Variants in CA6 observed in about 807,000 individuals in gnomAD.
CA6 encodes carbonic anhydrase 6.
A neutral mutation model predicts 35.9 loss-of-function variants in CA6; 28 were observed. That is an observed-to-expected ratio of 0.78 (90% confidence interval 0.58 to 1.07). The LOEUF (loss-of-function observed/expected upper bound fraction) is 1.07, where lower values mean the gene tolerates loss of function less well. Among genes scored for constraint, CA6 ranks in the 50% least tolerant of loss-of-function variants. The pLI is 0.00. For synonymous variants in CA6, 148 were observed against 152.6 expected (o/e 0.97, Z 0.22); for missense variants, 377 against 382.0 (o/e 0.99, Z 0.11).
chr1:8,968,674 G>A (rs1302638962), intron 6 of CA6, among the ~76,000 whole-genome samples: 1 of 152,004 alleles, frequency 6.6e-6, no homozygotes, highest in Non-Finnish European at 1.5e-5. Context: ...CCAGACTTGG[G>A]ACAAAAACTC....
chr1:8,967,593 T>G, intron 5 of CA6, 66 bp from the exon 6 acceptor site: 1 of 1,406,204 alleles, frequency 7.1e-7, no homozygotes. Context: ...GGCCTGGGCC[T>G]GAGCTGTCCT....
At chr1:8,974,536 G>A in intron 7 of CA6, 86 bp from the exon 8 acceptor site, 1 of 1,420,786 alleles carries the variant, frequency 7.0e-7, no homozygotes, top group Non-Finnish European at 9.7e-7. Context: ...ATACGATGCG[G>A]GTATGGTGTC....
At chr1:8,961,349 A>G (rs1165039173) in intron 4 of CA6, among the ~76,000 whole-genome samples, 1 of 152,332 alleles carries the variant, frequency 6.6e-6, no homozygotes, top group Middle Eastern at 3.4e-3. Context: ...AACCATCAAG[A>G]TTATTTAAAG....
Position 8,974,218 on chromosome 1 carries a change from C to T in CA6, c.845-404C>T, listed in dbSNP as rs1020240704. 348 of 573,974 alleles carry T rather than the reference C, an allele frequency of 6.1e-4. 3 individuals are homozygous for T. The highest frequency in any genetic ancestry group is 5.8e-4 in the Non-Finnish European group (194 of 334,054). The allele number at this position is 573,974 out of a possible 1,614,324, so 35.6% of individuals were successfully genotyped here. ...TGTTCTGTAGAGAACTGTATCCCAG[C>T]GGGGTTGATATGATTAACCCACCTG... On this transcript the variant is annotated intron_variant, in intron 7 of 7. Transcript: ENST00000377443.
At chr1:8,955,949 G>A (rs973872284) in intron 2 of CA6, among the ~76,000 whole-genome samples, 30 of 152,158 alleles carry the variant, frequency 2.0e-4, no homozygotes, top group Non-Finnish European at 3.4e-4. Flanking sequence ...CTTGCCAGGC[G>A]CAGTGGCTCG....
chr1:8,958,810 T>C (rs1014766364), intron 3 of CA6, 100 bp from the exon 4 acceptor site: 23 of 698,020 alleles, frequency 3.3e-5, no homozygotes, highest in Admixed American at 9.2e-5. Flanking sequence ...GTCTGAGGCC[T>C]CAGACGGAGC....
rs1173408031 is a variant in CA6 at position 8,973,710 on chromosome 1, C to CTCTTTCTT, written c.845-842_845-835dup. The stretch of plus-strand genomic sequence containing the variant: ...CTCAGGCCTGGATTTTTCTTTCTCT[C>CTCTTTCTT]TCTTTCTTTCTTTCTTTCTTTCTTT... On this transcript the variant is annotated intron_variant, in intron 7 of 7. Coordinates refer to ENST00000377443, the MANE Select transcript of CA6 (RefSeq NM_001215.4). Among the ~76,000 whole-genome samples the CTCTTTCTT allele has an allele frequency of 1.9e-3, 204 of 106,470 alleles. 5 individuals are homozygous for CTCTTTCTT. Among genetic ancestry groups the CTCTTTCTT allele is most frequent in the Non-Finnish European group, 2.8e-3 (144 of 52,362 alleles). 69.8% of individuals were successfully genotyped at this position (106,470 alleles called of 152,430 possible). A position where few individuals can be genotyped will look rare whatever the true frequency, so the allele number is the denominator to read the frequency against.
intron 6 of CA6, among the ~76,000 whole-genome samples, chr1:8,970,440 G>C (rs193187410): frequency 4.1e-4 from 62 of 152,192 alleles, no homozygotes; most frequent in South Asian, 1.2e-3. Context: ...CCCTGGACTT[G>C]AGATCTTCTT....
chr1:8,959,857 G>A (rs1176422156), intron 4 of CA6, among the ~76,000 whole-genome samples: 33 of 146,684 alleles, frequency 2.2e-4, no homozygotes, highest in Admixed American at 8.8e-4. Flanking sequence ...ACTTGAACCC[G>A]GGAGGTGGAG....
At chr1:8,962,335 A>G (rs1001859127) in intron 4 of CA6, among the ~76,000 whole-genome samples, 1 of 152,034 alleles carries the variant, frequency 6.6e-6, no homozygotes, top group African/African-American at 2.4e-5. Flanking sequence ...ATCACCAATG[A>G]CTGACAAGCT....
chr1:8,961,173 G>A (rs909047769), intron 4 of CA6, among the ~76,000 whole-genome samples: 10 of 152,138 alleles, frequency 6.6e-5, no homozygotes, highest in Admixed American at 6.5e-4. Context: ...TTGCTAGCCG[G>A]TCTATCTTAC....
rs191772632 is a variant in CA6, at chr1:8,957,345, T to C, written c.408+60T>C. ...TGAACCCCATAGTCACTTTTCTTTTTATTTATTTATTTTGAGACAGAGTCT... is the reference window on the plus strand; with the variant it reads ...TGAACCCCATAGTCACTTTTCTTTTCATTTATTTATTTTGAGACAGAGTCT... On this transcript the variant is annotated intron_variant, in intron 3 of 7. Coordinates refer to ENST00000377443, the MANE Select transcript of CA6 (RefSeq NM_001215.4). 5.4e-3 allele frequency: 7,988 copies of C among 1,470,640 alleles called. 33 individuals are homozygous for C. The highest frequency in any genetic ancestry group is 9.0e-3 in the South Asian group (702 of 78,352). The allele number at this position is 1,470,640 out of a possible 1,614,324, so 91.1% of individuals were successfully genotyped here.
intron 4 of CA6, among the ~76,000 whole-genome samples, 165 bp from the exon 5 acceptor site, chr1:8,962,422 A>T (rs1241570242): frequency 6.6e-6 from 1 of 152,060 alleles, no homozygotes; most frequent in African/African-American, 2.4e-5. Flanking sequence ...GGTTGGTAGC[A>T]AAGAACAGCC....
intron 3 of CA6, among the ~76,000 whole-genome samples, 176 bp downstream of exon 3, chr1:8,957,461 C>T (rs1305599223): frequency 6.6e-6 from 1 of 152,184 alleles, no homozygotes; most frequent in East Asian, 1.9e-4. Flanking sequence ...CTGCCTTAGT[C>T]TCCCGAGTAA....
chr1:8,955,309 G>A (rs764754269), intron 2 of CA6, among the ~76,000 whole-genome samples: 2 of 152,158 alleles, frequency 1.3e-5, no homozygotes. Context: ...CTGGGAGGTC[G>A]AGGCTGCAGT....
intron 2 of CA6, among the ~76,000 whole-genome samples, chr1:8,950,782 C>T (rs918599669): frequency 3.3e-5 from 5 of 151,792 alleles, no homozygotes; most frequent in Admixed American, 2.6e-4. Context: ...GTGGGAGGAT[C>T]ACTTGAGCCT....
At chr1:8,967,963 C>CTTTTTTT (rs34107058) in intron 6 of CA6, 147 bp downstream of exon 6, 17 of 297,074 alleles carry the variant, frequency 5.7e-5, no homozygotes, top group Admixed American at 1.3e-4. Context: ...TCTAGCCAAC[C>CTTTTTTT]TTTTTTTTTT....
chr1:8,956,869 T>C (rs1381306639), intron 2 of CA6, among the ~76,000 whole-genome samples: 1 of 152,192 alleles, frequency 6.6e-6, no homozygotes, highest in Non-Finnish European at 1.5e-5. Flanking sequence ...GCCTGTTGGT[T>C]CTGGGCGGGA....
At position 8,961,814 on chromosome 1, in the gene CA6, T is replaced by C. The variant is rs187272639; in HGVS notation, c.502-773T>C. Among the ~76,000 whole-genome samples the C allele has an allele frequency of 2.6e-3, 396 of 152,300 alleles. 4 individuals are homozygous for C. The highest frequency in any genetic ancestry group is 9.0e-3 in the African/African-American group (375 of 41,568). ...TACTCATTCAGAAAGAGTGACCTGGTGTTGGGGGAATTGTAGTCGTTCTGC... is the reference window on the plus strand; with the variant it reads ...TACTCATTCAGAAAGAGTGACCTGGCGTTGGGGGAATTGTAGTCGTTCTGC... On this transcript the variant is annotated intron_variant, in intron 4 of 7. Transcript: ENST00000377443.
Sources: allele counts gnomAD v4.1 joint callset (sites outside exome capture counted in the v4.1 genomes callset), GRCh38; gene constraint gnomAD v4.1.1; transcripts MANE v1.5; gene names NCBI Gene and HGNC (gene_info 2026-07-23, HGNC 2026-07-21).